CEP126: variants seen among roughly 807,000 people sequenced by gnomAD.
CEP126 encodes centrosomal protein of 126 kDa.
In CEP126, 74 loss-of-function variants were observed where a neutral mutation model predicts 107.8. The observed-to-expected ratio is 0.69, with a 90% CI of 0.57 to 0.83. The LOEUF is 0.83. Among genes scored for constraint, CEP126 ranks in the 40% least tolerant of loss-of-function variants. The probability of loss-of-function intolerance (pLI) is 0.00; values close to 1 mark genes in which losing one functional copy is unlikely to be tolerated. For synonymous variants in CEP126, 449 were observed against 446.0 expected (o/e 1.01, Z -0.08); for missense variants, 1,237 against 1,281.9 (o/e 0.96, Z 0.53).
chr11:101,966,858 G>T (rs985789034), intron 6 of CEP126, among the ~76,000 whole-genome samples: 1 of 151,860 alleles, frequency 6.6e-6, no homozygotes, highest in African/African-American at 2.4e-5. Context: ...AAGGTTTGGG[G>T]TATGGATCCT....
intron 6 of CEP126, among the ~76,000 whole-genome samples, chr11:101,976,945 C>G (rs917363105): frequency 1.3e-5 from 2 of 151,954 alleles, no homozygotes; most frequent in Admixed American, 1.3e-4. Flanking sequence ...AAATGGATTC[C>G]AAGACTTTTT....
At chr11:101,956,352 C>G (rs753265785) in intron 4 of CEP126, 24 of 456,256 alleles carry the variant, frequency 5.3e-5, no homozygotes, top group Non-Finnish European at 1.0e-4. Flanking sequence ...CCACCAGTCC[C>G]CACTCTTTCT....
chr11:101,992,797 C>T lies in CEP126; in HGVS notation c.3264C>T (p.Cys1088=). The T allele has an allele frequency of 6.6e-7, 1 of 1,518,260 alleles. No homozygotes were observed. The highest frequency in any genetic ancestry group is 8.9e-7 in the Non-Finnish European group (1 of 1,125,746). The allele number at this position is 1,518,260 out of a possible 1,614,324, so 94.0% of individuals were successfully genotyped here. ...ERLHYIQESI[C]KNPSIKNTLQ... is the part of the protein sequence containing the mutation. ...TTTCAGATATACAAGAATCCATTTG[C>T]AAAAACCCATCCATCAAAAATACTT... The change falls in exon 10 of 11, where the codon TGC becomes TGT. Residue 1088 remains cysteine, a synonymous_variant. Coordinates refer to ENST00000263468, the MANE Select transcript of CEP126 (RefSeq NM_020802.4).
At chr11:101,938,719 T>A (rs977410366) in intron 2 of CEP126, among the ~76,000 whole-genome samples, 3 of 152,142 alleles carry the variant, frequency 2.0e-5, no homozygotes, top group African/African-American at 7.2e-5. Context: ...TAAATTTTCT[T>A]CCAAACACAC....
chr11:101,961,858 T>A lies in CEP126; in HGVS notation c.823T>A (p.Ser275Thr). 6.2e-7 allele frequency: 1 copy of A among 1,609,790 alleles called. No homozygotes were observed. Among genetic ancestry groups the A allele is most frequent in the Non-Finnish European group, 8.5e-7 (1 of 1,176,262 alleles). Residue 275 changes from serine to threonine, a missense_variant, in exon 6 of 11, where the codon TCC (serine) becomes ACC (threonine). Coordinates refer to ENST00000263468, the MANE Select transcript of CEP126 (RefSeq NM_020802.4). ...YLTLNKEHSTSIQRNTISLKP... is the reference protein window; with the variant it reads ...YLTLNKEHSTTIQRNTISLKP... Reference sequence around the variant, plus strand: ...AACACTTAATAAGGAGCATTCCACATCCATCCAGCGGAATACCATTTCCCT... The same window carrying A: ...AACACTTAATAAGGAGCATTCCACAACCATCCAGCGGAATACCATTTCCCT...
intron 3 of CEP126, among the ~76,000 whole-genome samples, chr11:101,945,265 C>T (rs993420768): frequency 6.6e-6 from 1 of 151,848 alleles, no homozygotes; most frequent in Non-Finnish European, 1.5e-5. Context: ...TATTGCAAAG[C>T]AAACAGAAAA....
At position 102,000,776 on chromosome 11, in the gene CEP126, G is replaced by A. The variant is rs1332686075; in HGVS notation, c.*3133G>A. The A allele has an allele frequency of 3.9e-5, 6 of 152,126 alleles. No homozygotes were observed. The South Asian group carries it at 1.0e-3, about 26-fold the overall frequency. The allele number at this position is 152,126 out of a possible 1,614,324, so 9.4% of individuals were successfully genotyped here. ...GAAAGAAAAGTTTAAACACATTTCC[G>A]AGAGGCAGGGCAACTAATAACTGGT... is the stretch of plus-strand genomic sequence containing the variant. On this transcript the variant is annotated 3_prime_UTR_variant, in exon 11 of 11. Transcript: ENST00000263468.
chr11:101,940,664 T>C (rs1378487417), intron 2 of CEP126, among the ~76,000 whole-genome samples: 1 of 152,216 alleles, frequency 6.6e-6, no homozygotes, highest in East Asian at 1.9e-4. Flanking sequence ...GTCACATGTC[T>C]TGTGCTAGGC....
In CEP126 at chr11:101,948,122, T is replaced by C. The variant is rs770849460; in HGVS notation, c.486T>C (p.Arg162=). 50 of 1,602,952 alleles carry C rather than the reference T, an allele frequency of 3.1e-5. No individual in the cohort carries two copies. The highest frequency in any genetic ancestry group is 4.1e-5 in the Non-Finnish European group (48 of 1,170,820). Residue 162 remains arginine, a synonymous_variant, in exon 4 of 11, where the codon CGT becomes CGC. Transcript: ENST00000263468. ...CAGAAGTAAACCTTCCCTTTTCCCG[T>C]AGACCAACAATAAACTGGAGGTAAG... ...LKSEVNLPFS[R]RPTINWRAID...
chr11:101,964,019 C>T lies in CEP126; in HGVS notation c.2845+139C>T, dbSNP rs150561410. On this transcript the variant is annotated intron_variant, in intron 6 of 10. Coordinates refer to ENST00000263468, the MANE Select transcript of CEP126 (RefSeq NM_020802.4). ...CAATAGCTTTATAGAAATAACTTAC[C>T]TCCAGGCCAAGCACAGTGGCTTACA... 9.7e-4 allele frequency: 629 copies of T among 646,422 alleles called. 6 individuals are homozygous for T. Among genetic ancestry groups the T allele is most frequent in the East Asian group, 8.7e-3 (305 of 35,172 alleles). The allele number at this position is 646,422 out of a possible 1,614,324, so 40.0% of individuals were successfully genotyped here. A position where few individuals can be genotyped will look rare whatever the true frequency, so the allele number is the denominator to read the frequency against.
At position 101,915,365 on chromosome 11, in the gene CEP126, C is replaced by A; in HGVS notation, c.81C>A (p.Pro27=). 6.2e-7 allele frequency: 1 copy of A among 1,613,940 alleles called. No homozygotes were observed. The highest frequency in any genetic ancestry group is 8.5e-7 in the Non-Finnish European group (1 of 1,179,952). The part of the protein sequence containing the change: ...TESSDNLDRA[P]LGPRESGGHH... ...CATCGGACAACCTCGACAGAGCCCC[C>A]CTCGGCCCTCGGGAGAGCGGCGGGC... Residue 27 remains proline (P), a synonymous_variant, in exon 1 of 11, where the codon CCC becomes CCA. Coordinates refer to ENST00000263468, the MANE Select transcript of CEP126 (RefSeq NM_020802.4).
intron 7 of CEP126, among the ~76,000 whole-genome samples, chr11:101,980,011 C>T (rs1941237724): frequency 6.6e-6 from 1 of 151,996 alleles, no homozygotes; most frequent in African/African-American, 2.4e-5. Flanking sequence ...GTTGAAGGTG[C>T]TATAATTTGT....
chr11:101,916,305 A>G (rs1940211164), intron 1 of CEP126: 1 of 152,254 alleles, frequency 6.6e-6, no homozygotes, highest in Non-Finnish European at 1.5e-5. Context: ...CAGCAAGTCA[A>G]CAATTTGTAT....
rs369407746 is a variant in CEP126, at chr11:101,986,889, C to T, written c.3092C>T (p.Pro1031Leu). ...MAENLVKASVPEDEILTVLNS... is the reference protein window; with the variant it reads ...MAENLVKASVLEDEILTVLNS... ...GAAAACTTAGTGAAAGCATCAGTGC[C>T]GGAGGATGAGATTCTGACTGTCTTG... The change falls in exon 9 of 11, where the codon CCG becomes CTG. Residue 1031 changes from proline to leucine, a missense_variant. This residue lies in a region of CEP126 where 99 missense variants were observed against 114.4 expected (regional missense o/e 0.87). Transcript: ENST00000263468. 120 of 1,613,758 alleles carry T rather than the reference C, an allele frequency of 7.4e-5. No individual in the cohort carries two copies. The South Asian group carries it at 1.0e-3, about 14-fold the overall frequency.
intron 4 of CEP126, among the ~76,000 whole-genome samples, chr11:101,950,509 A>G (rs1940797025): frequency 6.6e-6 from 1 of 152,226 alleles, no homozygotes; most frequent in African/African-American, 2.4e-5. Flanking sequence ...AGGGTTTGCA[A>G]TTACATTATA....
At chr11:101,915,557 G>A (rs1940191361) in intron 1 of CEP126, 145 bp downstream of exon 1, 5 of 1,099,250 alleles carry the variant, frequency 4.5e-6, no homozygotes, top group Non-Finnish European at 5.1e-6. Context: ...AGCAACTGTC[G>A]TGTCTCACCT....
chr11:101,951,864 T>C (rs976268293), intron 4 of CEP126, among the ~76,000 whole-genome samples: 5 of 152,174 alleles, frequency 3.3e-5, no homozygotes, highest in African/African-American at 1.2e-4. Flanking sequence ...TTGAAAGTTA[T>C]GATTGTATAT....
At chr11:101,957,083 T>C (rs1244616023) in intron 4 of CEP126, 2 of 256,912 alleles carry the variant, frequency 7.8e-6, no homozygotes, top group African/African-American at 4.7e-5. Flanking sequence ...GTTCAGGAAC[T>C]TGTATTAAAT....
intron 10 of CEP126, among the ~76,000 whole-genome samples, chr11:101,995,165 C>CT (rs1418722517): frequency 3.3e-5 from 5 of 151,840 alleles, no homozygotes; most frequent in African/African-American, 9.7e-5. Flanking sequence ...TATTTTTTGC[C>CT]TTGGCACTGG....
Sources: allele counts gnomAD v4.1 joint callset (sites outside exome capture counted in the v4.1 genomes callset), GRCh38; gene constraint gnomAD v4.1.1; regional missense constraint gnomAD v4.1.1; transcripts MANE v1.5; gene names NCBI Gene and HGNC (gene_info 2026-07-23, HGNC 2026-07-21).